TRIP12: variants seen among roughly 807,000 people sequenced by gnomAD.
TRIP12 encodes the protein thyroid hormone receptor interactor 12.
In TRIP12, 25 loss-of-function variants were observed where a neutral mutation model predicts 244.2. That is an observed-to-expected ratio of 0.10 (90% CI 0.07 to 0.14). TRIP12 has a LOEUF of 0.14. Among genes scored for constraint, TRIP12 ranks in the 10% least tolerant of loss-of-function variants. TRIP12 has a pLI of 1.00. For synonymous variants in TRIP12, 905 were observed against 873.1 expected (o/e 1.04, Z -0.64); for missense variants, 1,677 against 2,486.4 (o/e 0.67, Z 6.92).
At chr2:229,850,751 G>T (rs1490051438) in intron 4 of TRIP12, among the ~76,000 whole-genome samples, 2 of 152,220 alleles carry the variant, frequency 1.3e-5, no homozygotes, top group African/African-American at 4.8e-5. Context: ...GGCTGCACCC[G>T]GCGCTTGCGG....
At position 229,880,014 on chromosome 2, in the gene TRIP12, C is replaced by T; in HGVS notation, c.66G>A (p.Gly22=). The part of the protein sequence containing the change: ...SLRRSQRNTA[G]AQPQDDSIGG... ...CTATTGAGTCGTCTTGTGGTTGGGC[C>T]CCGGCAGTGTTCCTCTGTGAACGTC... Residue 22 remains glycine, a synonymous_variant, in exon 2 of 42, where the codon GGG becomes GGA. Coordinates refer to ENST00000675903, the MANE Select transcript of TRIP12 (RefSeq NM_001348323.3). 6.2e-7 allele frequency: 1 copy of T among 1,614,066 alleles called. No individual in the cohort carries two copies. The highest frequency in any genetic ancestry group is 8.5e-7 in the Non-Finnish European group (1 of 1,179,996).
At chr2:229,808,229 G>T in intron 16 of TRIP12, 23 bp downstream of exon 16, 1 of 1,565,790 alleles carries the variant, frequency 6.4e-7, no homozygotes, top group Non-Finnish European at 8.8e-7. Context: ...GCCTCCCAAA[G>T]TGATATTTAG....
intron 2 of TRIP12, among the ~76,000 whole-genome samples, chr2:229,869,533 A>G (rs1270418246): frequency 6.6e-6 from 1 of 152,144 alleles, no homozygotes; most frequent in African/African-American, 2.4e-5. Flanking sequence ...TCTAGTAACA[A>G]CCTGTATCCC....
chr2:229,819,879 T>C (rs547433623), intron 8 of TRIP12, among the ~76,000 whole-genome samples: 13 of 152,322 alleles, frequency 8.5e-5, no homozygotes, highest in South Asian at 8.3e-4. Flanking sequence ...CAGGGGCACA[T>C]AGCAATCAAT....
chr2:229,869,082 T>C (rs2062060997), intron 2 of TRIP12, among the ~76,000 whole-genome samples: 1 of 152,220 alleles, frequency 6.6e-6, no homozygotes, highest in African/African-American at 2.4e-5. Context: ...GAGCAGAGCT[T>C]ACCACTGACC....
At chr2:229,817,303 T>C (rs1292656356) in intron 9 of TRIP12, among the ~76,000 whole-genome samples, 1 of 152,206 alleles carries the variant, frequency 6.6e-6, no homozygotes, top group Non-Finnish European at 1.5e-5. Flanking sequence ...ATACCACAAA[T>C]GTAAATGTTT....
upstream of TRIP12, chr2:229,922,555 A>G: frequency 6.2e-7 from 1 of 1,614,026 alleles, no homozygotes; most frequent in Non-Finnish European, 8.5e-7. Flanking sequence ...AAACTGTAGG[A>G]CAAGGCCCGC....
In TRIP12 at chr2:229,789,702, T is replaced by C. The variant is rs2040943323; in HGVS notation, c.4604A>G (p.Glu1535Gly). 6.2e-7 allele frequency: 1 copy of C among 1,614,122 alleles called. No individual in the cohort carries two copies. Among genetic ancestry groups the C allele is most frequent in the East Asian group, 2.2e-5 (1 of 44,870 alleles). Residue 1535 changes from glutamate (E) to glycine (G), a missense_variant, in exon 31 of 42, where the codon GAA (glutamate) becomes GGA (glycine). Glu to Gly is a moderately conservative substitution (Grantham distance 98). This residue lies in a region of TRIP12 where 265 missense variants were observed against 370.8 expected (regional missense o/e 0.71). Transcript: ENST00000675903. Reference protein sequence around the residue: ...LEVYLIPTPPENITFEDPSLD... With the variant: ...LEVYLIPTPPGNITFEDPSLD... ...TGACGGGTCTTCAAATGTTATATTT[T>C]CAGGTGGTGTGGGAATGAGGTAAAC...
At chr2:229,825,568 G>T (rs2051326321) in intron 8 of TRIP12, among the ~76,000 whole-genome samples, 1 of 152,132 alleles carries the variant, frequency 6.6e-6, no homozygotes, top group South Asian at 2.1e-4. Flanking sequence ...CAGGGCAGCA[G>T]AAAAAAGAAT....
In TRIP12 at chr2:229,767,835, A is replaced by G. The variant is rs901440534; in HGVS notation, c.6008-85T>C. On this transcript the variant is annotated intron_variant, in intron 41 of 41. Transcript: ENST00000675903. ...AAAACATTCCACTGCTTTGCCGTAC[A>G]ATATTACACACAAGATATTCTTTCT... The G allele has an allele frequency of 4.7e-6, 6 of 1,285,252 alleles. No homozygotes were observed. The African/African-American group carries it at 7.5e-5, about 16-fold the overall frequency. 79.6% of individuals were successfully genotyped at this position (1,285,252 alleles called of 1,614,324 possible).
chr2:229,919,149 C>G (rs1300500615), intron 1 of TRIP12, among the ~76,000 whole-genome samples: 1 of 152,214 alleles, frequency 6.6e-6, no homozygotes, highest in African/African-American at 2.4e-5. Flanking sequence ...CGTGGTGGCT[C>G]TCCCCTGCAA....
intron 5 of TRIP12, among the ~76,000 whole-genome samples, chr2:229,840,010 C>T (rs911700853): frequency 2.6e-5 from 4 of 152,138 alleles, no homozygotes; most frequent in Non-Finnish European, 5.9e-5. Context: ...TACATTTCCC[C>T]CTCCATTCAT....
At chr2:229,843,315 CCTTGTTACTATAAT>C (rs2056911826) in intron 4 of TRIP12, among the ~76,000 whole-genome samples, 1 of 152,054 alleles carries the variant, frequency 6.6e-6, no homozygotes, top group Non-Finnish European at 1.5e-5. Flanking sequence ...GTATATATGC[CCTTGTTACTATAAT>C]CTTTAAACCT....
chr2:229,775,557 T>TACAA (rs2035967384), intron 37 of TRIP12, among the ~76,000 whole-genome samples: 1 of 151,640 alleles, frequency 6.6e-6, no homozygotes, highest in Admixed American at 6.6e-5. Context: ...AGATGTGCAT[T>TACAA]ACAAAGTGTT....
chr2:229,861,882 A>T (rs572161586), intron 2 of TRIP12, among the ~76,000 whole-genome samples: 67 of 150,552 alleles, frequency 4.5e-4, no homozygotes, highest in African/African-American at 1.5e-3. Flanking sequence ...TGAATTTCTT[A>T]AAAAAAAATA....
rs73101657 is a variant in TRIP12 at position 229,837,710 on chromosome 2, G to A, written c.1134-726C>T. Among the ~76,000 whole-genome samples, 1,386 of 152,152 alleles carry A rather than the reference G, an allele frequency of 9.1e-3. 27 individuals carry two copies. Among genetic ancestry groups the A allele is most frequent in the African/African-American group, 0.032 (1,337 of 41,502 alleles). ...GAGATGGAAAAAAATTTCCCAGCCC[G>A]TGTTCCAGATTACCTAAATCATATA... is the stretch of plus-strand genomic sequence containing the variant. On this transcript the variant is annotated intron_variant, in intron 5 of 41. Transcript: ENST00000675903.
In TRIP12 at chr2:229,771,602, C is replaced by T; in HGVS notation, c.5725G>A (p.Val1909Ile). The T allele has an allele frequency of 6.2e-7, 1 of 1,613,936 alleles. No homozygotes were observed. Among genetic ancestry groups the T allele is most frequent in the Non-Finnish European group, 8.5e-7 (1 of 1,179,884 alleles). Reference protein sequence around the residue: ...LVIFWALNEGVSRQFDSFRDG... With the variant: ...LVIFWALNEGISRQFDSFRDG... ...CTGAACGAATCAAATTGCCTAGAAA[C>T]GCCTTCATTTAGTGCCCAGAATATA... The change falls in exon 39 of 42, where the codon GTT becomes ATT. Residue 1909 changes from valine (V) to isoleucine (I), a missense_variant. Physicochemically the swap from Val to Ile is conservative, Grantham distance 29. This residue lies in a region of TRIP12 where 171 missense variants were observed against 388.4 expected (regional missense o/e 0.44). Coordinates refer to ENST00000675903, the MANE Select transcript of TRIP12 (RefSeq NM_001348323.3).
chr2:229,793,220 G>C, intron 26 of TRIP12, 75 bp from the exon 27 acceptor site: 1 of 1,438,438 alleles, frequency 7.0e-7, no homozygotes, highest in Non-Finnish European at 9.4e-7. Flanking sequence ...ATAAAGGCAA[G>C]TTAATACAAA....
chr2:229,914,248 G>C (rs1415554613), intron 1 of TRIP12, among the ~76,000 whole-genome samples: 1 of 152,182 alleles, frequency 6.6e-6, no homozygotes, highest in African/African-American at 2.4e-5. Context: ...CAAGATGTGA[G>C]AGGGGGTGTC....
Sources: gnomAD v4.1 joint callset for allele counts (sites outside exome capture counted in the v4.1 genomes callset) on GRCh38, gnomAD v4.1.1 for gene constraint, gnomAD v4.1.1 regional missense constraint, MANE v1.5 for transcripts, NCBI Gene and HGNC (gene_info 2026-07-23, HGNC 2026-07-21) for gene names.